The following GRK6 variants were observed in gnomAD, a reference collection of about 807,000 sequenced individuals.
The protein encoded by GRK6 is G protein-coupled receptor kinase 6.
Under a neutral mutation model 80.8 loss-of-function variants are expected in GRK6, and 37 were observed. The observed-to-expected ratio is 0.46, with a 90% CI of 0.35 to 0.60. The LOEUF is 0.60. GRK6 is among the 20% of genes least tolerant of loss of function. GRK6 has a pLI of 0.00. For synonymous variants in GRK6, 295 were observed against 320.9 expected (o/e 0.92, Z 0.86); for missense variants, 560 against 784.6 (o/e 0.71, Z 3.42).
At chr5:177,438,346 A>G (rs1764267916) in intron 13 of GRK6, among the ~76,000 whole-genome samples, 1 of 152,142 alleles carries the variant, frequency 6.6e-6, no homozygotes, top group African/African-American at 2.4e-5. Context: ...CAGCCTGGGC[A>G]ACAAGAGTGA....
chr5:177,426,902 G>A lies in GRK6; in HGVS notation c.52+5G>A. On this transcript the variant is annotated splice_donor_5th_base_variant and intron_variant, in intron 1 of 15. Coordinates refer to ENST00000355472, the MANE Select transcript of GRK6 (RefSeq NM_001004106.3). Reference sequence around the variant, plus strand: ...TGCTACTCAAGGCCCGGGAAGGTGAGGCGGCCGGGTGGGCGGCCGGGCCCG... The same window carrying A: ...TGCTACTCAAGGCCCGGGAAGGTGAAGCGGCCGGGTGGGCGGCCGGGCCCG... The A allele has an allele frequency of 1.4e-6, 2 of 1,389,960 alleles. No homozygotes were observed. The highest frequency in any genetic ancestry group is 1.7e-5 in the South Asian group (1 of 59,956). The allele number at this position is 1,389,960 out of a possible 1,614,324, so 86.1% of individuals were successfully genotyped here.
In GRK6 at chr5:177,432,774, T is replaced by G. The variant is rs1301243968; in HGVS notation, c.408T>G (p.Gly136=). 4.8e-5 allele frequency: 78 copies of G among 1,611,830 alleles called. No individual in the cohort carries two copies. The highest frequency in any genetic ancestry group is 6.5e-5 in the Non-Finnish European group (77 of 1,179,416). ...ACTGCACCCAGCGGCTGGAGCAGGG[T>G]CCCTGCAAAGACCTTTTCCAGGAAC... The part of the protein sequence containing the change: ...VTNCTQRLEQ[G]PCKDLFQELT... Residue 136 remains glycine (G), a synonymous_variant, in exon 5 of 16, where the codon GGT becomes GGG. Transcript: ENST00000355472.
At position 177,428,939 on chromosome 5, in the gene GRK6, G is replaced by T. The variant is rs549477278; in HGVS notation, c.53-1933G>T. The stretch of plus-strand genomic sequence containing the variant: ...CTTCTCAAGTGATCTGAGGCCCCAG[G>T]TGGGGTTTGGGAACCCTTGGTGTGT... On this transcript the variant is annotated intron_variant, in intron 1 of 15. Coordinates refer to ENST00000355472, the MANE Select transcript of GRK6 (RefSeq NM_001004106.3). This position sits in a 1 kb window ranked among gnomAD's most constrained non-coding sequence, Gnocchi z 4.1. Among the ~76,000 whole-genome samples the T allele has an allele frequency of 1.3e-5, 2 of 152,270 alleles. No individual in the cohort carries two copies. Among genetic ancestry groups the T allele is most frequent in the South Asian group, 4.1e-4 (2 of 4,820 alleles).
intron 9 of GRK6, among the ~76,000 whole-genome samples, chr5:177,434,686 G>A (rs1481866712): frequency 6.6e-6 from 1 of 152,230 alleles, no homozygotes; most frequent in Non-Finnish European, 1.5e-5. Context: ...CACTCATCTA[G>A]AGAGTCCTGG....
chr5:177,440,505 CAG>C (rs1463719060), intron 13 of GRK6, among the ~76,000 whole-genome samples, 193 bp from the exon 14 acceptor site: 1 of 152,266 alleles, frequency 6.6e-6, no homozygotes. Context: ...ACGCAGTTCA[CAG>C]AGGGGAAAAC....
At chr5:177,426,042 G>C (rs896344245), upstream of GRK6, among the ~76,000 whole-genome samples, 2 of 152,236 alleles carry the variant, frequency 1.3e-5, no homozygotes, top group Admixed American at 1.3e-4. Flanking sequence ...GGCTGGGCGG[G>C]GCGCCTGCGG....
rs1581670152 is a variant in GRK6, at chr5:177,426,820, C to T, written c.-26C>T. The T allele has an allele frequency of 3.3e-6, 4 of 1,195,456 alleles. No homozygotes were observed. The highest frequency in any genetic ancestry group is 3.7e-5 in the South Asian group (1 of 27,154). 74.1% of individuals were successfully genotyped at this position (1,195,456 alleles called of 1,614,324 possible). On this transcript the variant is annotated 5_prime_UTR_variant, in exon 1 of 16. Coordinates refer to ENST00000355472, the MANE Select transcript of GRK6 (RefSeq NM_001004106.3). ...CGCGATCCCGGCCGGCGGCGCGGCC[C>T]GGCGGGCCAGGCGGCGCCACAGCCC...
At chr5:177,434,336 C>T (rs888979364) in intron 9 of GRK6, among the ~76,000 whole-genome samples, 3 of 152,186 alleles carry the variant, frequency 2.0e-5, no homozygotes, top group Admixed American at 1.3e-4. Flanking sequence ...CCCTCCACCC[C>T]CCACCGTGTG....
intron 1 of GRK6, among the ~76,000 whole-genome samples, chr5:177,427,434 T>C (rs1433717799): frequency 1.3e-5 from 2 of 152,102 alleles, no homozygotes; most frequent in African/African-American, 4.8e-5. Context: ...CAGAGGTGAA[T>C]GGATATTTGC....
In GRK6 at chr5:177,435,135, G is replaced by T; in HGVS notation, c.1057+14G>T. On this transcript the variant is annotated intron_variant, in intron 11 of 15. Transcript: ENST00000355472. ...TGGGTTACATGGGTGAGTCTTCTCT[G>T]CCCGGCCCACTAGCCTCCTGGGTTC... The T allele has an allele frequency of 6.3e-7, 1 of 1,580,368 alleles. No homozygotes were observed. Among genetic ancestry groups the T allele is most frequent in the Non-Finnish European group, 8.6e-7 (1 of 1,157,224 alleles).
rs898875408 is a variant in GRK6 at position 177,428,159 on chromosome 5, C to G, written c.52+1262C>G. On this transcript the variant is annotated intron_variant, in intron 1 of 15. Coordinates refer to ENST00000355472, the MANE Select transcript of GRK6 (RefSeq NM_001004106.3). This position sits in a 1 kb window ranked among gnomAD's most constrained non-coding sequence, Gnocchi z 4.1. ...CGAGCCCATGGGCTAGGCCTTCCTCCCAGCCTCTGGGGGCATCTGCCGATT... is the reference window on the plus strand; with the variant it reads ...CGAGCCCATGGGCTAGGCCTTCCTCGCAGCCTCTGGGGGCATCTGCCGATT... Among the ~76,000 whole-genome samples, 2 of 152,230 alleles carry G rather than the reference C, an allele frequency of 1.3e-5. No individual in the cohort carries two copies. Among genetic ancestry groups the G allele is most frequent in the Non-Finnish European group, 1.5e-5 (1 of 68,036 alleles).
chr5:177,441,937 T>A lies in GRK6; in HGVS notation c.*147T>A. 1.4e-6 allele frequency: 1 copy of A among 737,216 alleles called. No individual in the cohort carries two copies. Among genetic ancestry groups the A allele is most frequent in the Non-Finnish European group, 2.3e-6 (1 of 436,008 alleles). 45.7% of individuals were successfully genotyped at this position (737,216 alleles called of 1,614,324 possible). On this transcript the variant is annotated 3_prime_UTR_variant, in exon 16 of 16. Transcript: ENST00000355472. ...AGCTGTCCCCAGTGTCCTCCGTCCC[T>A]CAGCCCCTGGCCTGGCTGAGTTTGG... is the stretch of plus-strand genomic sequence containing the variant.
chr5:177,427,248 A>G (rs533927606), intron 1 of GRK6, among the ~76,000 whole-genome samples: 1 of 152,316 alleles, frequency 6.6e-6, no homozygotes, highest in South Asian at 2.1e-4. Flanking sequence ...CCCACGTGCC[A>G]GGGGCCCAGA....
At chr5:177,434,787 GTC>G in intron 9 of GRK6, 113 bp from the exon 10 acceptor site, 1 of 1,158,110 alleles carries the variant, frequency 8.6e-7, no homozygotes. Flanking sequence ...CAGCAAATGA[GTC>G]TCGCACCTTG....
rs1163021927 is a variant in GRK6 at position 177,427,465 on chromosome 5, A to G, written c.52+568A>G. On this transcript the variant is annotated intron_variant, in intron 1 of 15. Coordinates refer to ENST00000355472, the MANE Select transcript of GRK6 (RefSeq NM_001004106.3). The stretch of plus-strand genomic sequence containing the variant: ...TTTGCCCTCAGGGAGCCCATGGTCT[A>G]GTGGGGCTAGCGGACACAGAAAGAA... Among the ~76,000 whole-genome samples the G allele has an allele frequency of 2.6e-5, 4 of 152,200 alleles. No homozygotes were observed. In the South Asian group the frequency reaches 6.2e-4, roughly 24 times the overall value.
At chr5:177,432,604 G>T in intron 4 of GRK6, 102 bp from the exon 5 acceptor site, 4 of 837,474 alleles carry the variant, frequency 4.8e-6, no homozygotes, top group Non-Finnish European at 7.5e-6. Flanking sequence ...CTGGCCTGCA[G>T]CCTCTCATGG....
intron 13 of GRK6, chr5:177,436,779 C>T (rs1166408756): frequency 1.1e-5 from 6 of 532,058 alleles, no homozygotes; most frequent in Middle Eastern, 4.8e-4. Flanking sequence ...CTCACTGTAC[C>T]GTTGAGTGTG....
intron 7 of GRK6, 43 bp downstream of exon 7, chr5:177,433,453 G>A: frequency 6.2e-7 from 1 of 1,611,020 alleles, no homozygotes. Flanking sequence ...GAATAGGGTG[G>A]GTGTGTTGGG....
Position 177,441,995 on chromosome 5 carries a change from GTCCCTTC to G in GRK6, c.*206_*212del. ...TGGGCCATCCCTGGGACAAAGGTGC[GTCCCTTC>G]AGCTCTTCTCCGTGGAGCTCGGGGC... On this transcript the variant is annotated 3_prime_UTR_variant, in exon 16 of 16. Coordinates refer to ENST00000355472, the MANE Select transcript of GRK6 (RefSeq NM_001004106.3). The G allele has an allele frequency of 3.4e-6, 2 of 595,540 alleles. No homozygotes were observed. Among genetic ancestry groups the G allele is most frequent in the Non-Finnish European group, 3.0e-6 (1 of 332,244 alleles). 36.9% of individuals were successfully genotyped at this position (595,540 alleles called of 1,614,324 possible). A position where few individuals can be genotyped will look rare whatever the true frequency, so the allele number is the denominator to read the frequency against.
Sources: gnomAD v4.1 joint callset for allele counts (sites outside exome capture counted in the v4.1 genomes callset) on GRCh38, gnomAD v4.1.1 for gene constraint, Gnocchi (gnomAD v3.1) non-coding constraint, MANE v1.5 for transcripts, NCBI Gene and HGNC (gene_info 2026-07-23, HGNC 2026-07-21) for gene names.